Variants in ADGRL3 observed in about 807,000 individuals in gnomAD.
ADGRL3 encodes adhesion G protein-coupled receptor L3, also known as calcium-independent alpha-latrotoxin receptor 3.
Under a neutral mutation model 153.5 loss-of-function variants are expected in ADGRL3, and 62 were observed. That is an observed-to-expected ratio of 0.40 (90% CI 0.33 to 0.50). The LOEUF (loss-of-function observed/expected upper bound fraction) is 0.50, where lower values mean the gene tolerates loss of function less well. ADGRL3 is among the 20% of genes least tolerant of loss of function. The pLI, the probability that ADGRL3 is intolerant of heterozygous loss-of-function variation, is 0.47. For synonymous variants in ADGRL3, 710 were observed against 672.5 expected (o/e 1.06, Z -0.86); for missense variants, 1,641 against 1,859.4 (o/e 0.88, Z 2.16).
intron 1 of ADGRL3, among the ~76,000 whole-genome samples, chr4:61,381,261 C>T (rs1000262284): frequency 6.7e-6 from 1 of 149,652 alleles, no homozygotes; most frequent in Non-Finnish European, 1.5e-5. Context: ...AATTTATGTG[C>T]AGCCAATACA....
At chr4:61,927,244 A>C (rs1056634832) in intron 13 of ADGRL3, among the ~76,000 whole-genome samples, 2 of 152,174 alleles carry the variant, frequency 1.3e-5, no homozygotes, top group Non-Finnish European at 2.9e-5. Context: ...AGGTCTGTAG[A>C]TCCATTTAAT....
intron 2 of ADGRL3, among the ~76,000 whole-genome samples, chr4:61,469,993 C>T (rs905119419): frequency 6.6e-5 from 10 of 151,714 alleles, no homozygotes; most frequent in African/African-American, 1.5e-4. Flanking sequence ...TTCTATCAGC[C>T]GGATGCTTTA....
At chr4:61,518,081 A>G (rs2098508557) in intron 4 of ADGRL3, among the ~76,000 whole-genome samples, 1 of 152,216 alleles carries the variant, frequency 6.6e-6, no homozygotes, top group Admixed American at 6.5e-5. Context: ...AAGTATAGCA[A>G]GTGGCATCCA....
At chr4:61,791,927 G>C (rs557749143) in intron 8 of ADGRL3, among the ~76,000 whole-genome samples, 1 of 152,118 alleles carries the variant, frequency 6.6e-6, no homozygotes, top group Non-Finnish European at 1.5e-5. Context: ...GGGGAACCCT[G>C]GGCCCGGCCC....
intron 8 of ADGRL3, among the ~76,000 whole-genome samples, chr4:61,780,370 G>A (rs2097200497): frequency 6.6e-6 from 1 of 152,178 alleles, no homozygotes; most frequent in South Asian, 2.1e-4. Flanking sequence ...GTCATGCAGT[G>A]TTTTGATCTG....
intron 4 of ADGRL3, among the ~76,000 whole-genome samples, chr4:61,531,903 CTAACT>C (rs1449792016): frequency 6.6e-6 from 1 of 152,074 alleles, no homozygotes; most frequent in Admixed American, 6.5e-5. Flanking sequence ...CTTTCATAAC[CTAACT>C]TTAGAGTGTG....
intron 11 of ADGRL3, among the ~76,000 whole-genome samples, chr4:61,907,187 A>G (rs575103229): frequency 6.6e-6 from 1 of 152,238 alleles, no homozygotes; most frequent in African/African-American, 2.4e-5. Flanking sequence ...ACAGTATAGG[A>G]TGTTCCCAAA....
intron 2 of ADGRL3, among the ~76,000 whole-genome samples, chr4:61,461,947 AT>A (rs1240766547): frequency 2.0e-5 from 3 of 152,222 alleles, no homozygotes; most frequent in Admixed American, 2.0e-4. Flanking sequence ...AAAATAGTTA[AT>A]TACAAAATTC....
intron 8 of ADGRL3, among the ~76,000 whole-genome samples, chr4:61,762,244 A>G (rs1465523225): frequency 2.0e-5 from 3 of 152,228 alleles, no homozygotes; most frequent in Non-Finnish European, 4.4e-5. Flanking sequence ...TAGGAATTTC[A>G]TAAAATTTTT....
At chr4:61,936,455 T>G (rs2098838875) in intron 15 of ADGRL3, among the ~76,000 whole-genome samples, 1 of 152,094 alleles carries the variant, frequency 6.6e-6, no homozygotes, top group African/African-American at 2.4e-5. Context: ...TTTTTGAGAG[T>G]GTTTTTGTGC....
intron 17 of ADGRL3, among the ~76,000 whole-genome samples, chr4:61,957,699 A>G (rs202099954): frequency 1.3e-5 from 2 of 151,072 alleles, no homozygotes; most frequent in African/African-American, 4.8e-5. Flanking sequence ...TTTTTTTTGT[A>G]CAAGGACACT....
chr4:61,572,072 T>G (rs2098841283), intron 4 of ADGRL3, among the ~76,000 whole-genome samples: 1 of 152,160 alleles, frequency 6.6e-6, no homozygotes, highest in South Asian at 2.1e-4. Context: ...TGTATGTTTT[T>G]GAAGATTTTA....
intron 5 of ADGRL3, among the ~76,000 whole-genome samples, chr4:61,650,301 CA>C (rs2094198500): frequency 6.6e-6 from 1 of 152,000 alleles, no homozygotes; most frequent in Admixed American, 6.6e-5. Flanking sequence ...TTAATTCTCT[CA>C]AAATATTTAC....
intron 8 of ADGRL3, chr4:61,775,354 C>G (rs1489173215): frequency 2.8e-6 from 1 of 355,182 alleles, no homozygotes; most frequent in African/African-American, 2.1e-5. Context: ...ATTCAAGTTC[C>G]CAGTTTTACA....
At chr4:61,837,271 TGACAAAA>T (rs1463637982) in intron 9 of ADGRL3, among the ~76,000 whole-genome samples, 3 of 152,108 alleles carry the variant, frequency 2.0e-5, no homozygotes, top group Non-Finnish European at 4.4e-5. Context: ...CAAAGTAAAC[TGACAAAA>T]GACAGATTAA....
chr4:61,438,163 T>C (rs925855229), intron 2 of ADGRL3, among the ~76,000 whole-genome samples: 2 of 152,056 alleles, frequency 1.3e-5, no homozygotes, highest in African/African-American at 4.8e-5. Flanking sequence ...ACAGAACAAA[T>C]GTGTCTTTAA....
rs149507817 is a variant in ADGRL3, at chr4:61,764,643, T to A, written c.1399+31089T>A. On this transcript the variant is annotated intron_variant, in intron 8 of 26. Transcript: ENST00000683033. ...TTTAGTTACTTCAGGCCATCTGGGC[T>A]TATAGGTGCAGGTCACAGGGGATGT... Among the ~76,000 whole-genome samples the A allele has an allele frequency of 9.2e-5, 14 of 152,060 alleles. 1 individual carries two copies. Among genetic ancestry groups the A allele is most frequent in the African/African-American group, 3.4e-4 (14 of 41,338 alleles).
At chr4:61,810,451 T>C (rs548629303) in intron 8 of ADGRL3, among the ~76,000 whole-genome samples, 1 of 152,290 alleles carries the variant, frequency 6.6e-6, no homozygotes, top group South Asian at 2.1e-4. Flanking sequence ...GTTCCATGGT[T>C]CTATAAAGTA....
At chr4:61,559,472 C>T (rs545956998) in intron 4 of ADGRL3, among the ~76,000 whole-genome samples, 2 of 152,138 alleles carry the variant, frequency 1.3e-5, no homozygotes, top group East Asian at 3.9e-4. Context: ...AAAATAAAAG[C>T]TTGGACTGCA....
Sources: gnomAD v4.1 joint callset for allele counts (sites outside exome capture counted in the v4.1 genomes callset) on GRCh38, gnomAD v4.1.1 for gene constraint, MANE v1.5 for transcripts, NCBI Gene and HGNC (gene_info 2026-07-23, HGNC 2026-07-21) for gene names.